The following RPS6KC1 variants were observed in gnomAD, a reference collection of about 807,000 sequenced individuals.
The protein encoded by RPS6KC1 is ribosomal protein S6 kinase C1.
Under a neutral mutation model 103.8 loss-of-function variants are expected in RPS6KC1, and 54 were observed. The observed-to-expected ratio is 0.52, with a 90% CI of 0.42 to 0.65. The LOEUF (loss-of-function observed/expected upper bound fraction) is 0.65, where lower values mean the gene tolerates loss of function less well. Ranked by LOEUF, RPS6KC1 falls within the 30% of genes least tolerant of loss-of-function variation. The probability of loss-of-function intolerance (pLI) is 0.00; values close to 1 mark genes in which losing one functional copy is unlikely to be tolerated. For synonymous variants in RPS6KC1, 439 were observed against 438.7 expected (o/e 1.00, Z -0.01); for missense variants, 1,151 against 1,253.8 (o/e 0.92, Z 1.24).
the RPS6KC1 span, among the ~76,000 whole-genome samples, chr1:213,384,283 A>T: frequency 0.53 from 76,306 of 145,038 alleles, 20,393 homozygotes; most frequent in East Asian, 0.78. Flanking sequence ...CTCAAAAAAA[A>T]ATATATATAT....
At chr1:213,431,195 C>CACTTGCAAAGCCCCCATTCAGG in the RPS6KC1 span, among the ~76,000 whole-genome samples, 11 of 152,296 alleles carry the variant, frequency 7.2e-5, no homozygotes, top group African/African-American at 2.6e-4. Flanking sequence ...TGGGTGCTTA[C>CACTTGCAAAGCCCCCATTCAGG]ACTTGCAAAG....
chr1:213,516,473 A>G, the RPS6KC1 span, among the ~76,000 whole-genome samples: 2 of 152,218 alleles, frequency 1.3e-5, no homozygotes, highest in Non-Finnish European at 2.9e-5. Flanking sequence ...CCTTTTCTGC[A>G]TCTATTGGGA....
intron 12 of RPS6KC1, among the ~76,000 whole-genome samples, chr1:213,246,084 A>T (rs1425148733): frequency 1.3e-5 from 2 of 152,182 alleles, no homozygotes; most frequent in African/African-American, 4.8e-5. Flanking sequence ...AAGCCAGCGC[A>T]TAAATGGCTG....
intron 3 of RPS6KC1, among the ~76,000 whole-genome samples, chr1:213,099,930 T>C (rs565341568): frequency 6.6e-6 from 1 of 152,330 alleles, no homozygotes; most frequent in East Asian, 1.9e-4. Flanking sequence ...TTTAAGTAAA[T>C]CTACAATAAA....
intron 6 of RPS6KC1, among the ~76,000 whole-genome samples, chr1:213,164,552 C>A (rs1257098801): frequency 6.6e-6 from 1 of 152,116 alleles, no homozygotes; most frequent in Non-Finnish European, 1.5e-5. Context: ...AACAATTTTT[C>A]TTTCTTTTTT....
At chr1:213,526,974 AT>A in the RPS6KC1 span, among the ~76,000 whole-genome samples, 1 of 152,228 alleles carries the variant, frequency 6.6e-6, no homozygotes, top group Non-Finnish European at 1.5e-5. Flanking sequence ...GAGCCAATTC[AT>A]TGGATGGCTT....
At chr1:213,152,328 C>T (rs1169857465) in intron 6 of RPS6KC1, among the ~76,000 whole-genome samples, 1 of 143,462 alleles carries the variant, frequency 7.0e-6, no homozygotes, top group African/African-American at 2.6e-5. Context: ...GGGCAGGGGG[C>T]TGACCCCCCC....
chr1:213,591,624 C>T, the RPS6KC1 span, among the ~76,000 whole-genome samples: 1 of 152,184 alleles, frequency 6.6e-6, no homozygotes, highest in Admixed American at 6.5e-5. Context: ...CTGGCTCCAA[C>T]TTCTCACTTC....
chr1:213,635,977 GACAA>G, the RPS6KC1 span, among the ~76,000 whole-genome samples: 8 of 152,220 alleles, frequency 5.3e-5, no homozygotes, highest in Non-Finnish European at 7.4e-5. Context: ...ACCAATAACA[GACAA>G]ACAAAGAGCC....
the RPS6KC1 span, among the ~76,000 whole-genome samples, chr1:213,395,401 C>A: frequency 2.3e-4 from 35 of 152,222 alleles, no homozygotes; most frequent in Non-Finnish European, 3.8e-4. Flanking sequence ...CTTCAGGAAA[C>A]CTTCCTGGAC....
the RPS6KC1 span, among the ~76,000 whole-genome samples, chr1:213,332,432 G>A: frequency 6.6e-6 from 1 of 152,218 alleles, no homozygotes; most frequent in East Asian, 1.9e-4. Flanking sequence ...GGGCATGCTT[G>A]TCTGTATATG....
chr1:213,119,315 C>T (rs937471091), intron 5 of RPS6KC1, among the ~76,000 whole-genome samples: 3 of 150,686 alleles, frequency 2.0e-5, no homozygotes, highest in Non-Finnish European at 2.9e-5. Context: ...GACAAGGTGG[C>T]TGGTGCCTGT....
the RPS6KC1 span, among the ~76,000 whole-genome samples, chr1:213,363,598 CTCGCTCGCTTGCTT>C: frequency 0.054 from 3,511 of 64,940 alleles, 658 homozygotes; most frequent in African/African-American, 0.2. Flanking sequence ...TTAGCCCTTG[CTCGCTCGCTTGCTT>C]GCTTGCTTGC....
the RPS6KC1 span, among the ~76,000 whole-genome samples, chr1:213,523,887 A>G: frequency 6.6e-6 from 1 of 152,190 alleles, no homozygotes; most frequent in Non-Finnish European, 1.5e-5. Context: ...CTTCTTAGGC[A>G]TTCACCAGGG....
chr1:213,732,574 G>T, the RPS6KC1 span, among the ~76,000 whole-genome samples: 15 of 152,170 alleles, frequency 9.9e-5, no homozygotes, highest in South Asian at 3.1e-3. Context: ...TAACTTTTGA[G>T]CCTCAATTAT....
the RPS6KC1 span, among the ~76,000 whole-genome samples, chr1:213,534,640 A>G: frequency 2.0e-5 from 3 of 152,230 alleles, no homozygotes; most frequent in African/African-American, 7.2e-5. Context: ...CCATGGAAAT[A>G]TGAACTGATA....
At position 213,274,090 on chromosome 1, in the gene RPS6KC1, A is replaced by G. The variant is rs867266132; in HGVS notation, c.*1456A>G. ...GCATTTTTCCTTTTTCTATTATTCT[A>G]TTTCCCTTTTTCCTTTTTGGCCCCC... is the stretch of plus-strand genomic sequence containing the variant. On this transcript the variant is annotated 3_prime_UTR_variant, in exon 15 of 15. Coordinates refer to ENST00000366960, the MANE Select transcript of RPS6KC1 (RefSeq NM_012424.6). 2 of 152,016 alleles carry G rather than the reference A, an allele frequency of 1.3e-5. No individual in the cohort carries two copies. Among genetic ancestry groups the G allele is most frequent in the Non-Finnish European group, 1.5e-5 (1 of 67,996 alleles). The allele number at this position is 152,016 out of a possible 1,614,324, so 9.4% of individuals were successfully genotyped here.
At chr1:213,587,159 G>T in the RPS6KC1 span, among the ~76,000 whole-genome samples, 61 of 152,316 alleles carry the variant, frequency 4.0e-4, no homozygotes, top group African/African-American at 1.4e-3. Flanking sequence ...GATTGACAGA[G>T]CCCGAAGCAG....
the RPS6KC1 span, among the ~76,000 whole-genome samples, chr1:213,633,310 T>C: frequency 9.2e-5 from 14 of 152,094 alleles, no homozygotes; most frequent in Non-Finnish European, 1.8e-4. Flanking sequence ...AAGGTCAGGT[T>C]ACCCACAAAG....
Sources: allele counts gnomAD v4.1 joint callset (sites outside exome capture counted in the v4.1 genomes callset), GRCh38; gene constraint gnomAD v4.1.1; transcripts MANE v1.5; gene names NCBI Gene and HGNC (gene_info 2026-07-23, HGNC 2026-07-21).